The following KANK1 variants were observed in gnomAD, a reference collection of about 807,000 sequenced individuals.
KANK1 encodes the protein KN motif and ankyrin repeat domain-containing protein 1.
KANK1 carries 109 observed loss-of-function variants against 106.2 expected under a neutral mutation model. The observed-to-expected ratio is 1.03, with a 90% CI of 0.88 to 1.20. The LOEUF is 1.20. Among genes scored for constraint, KANK1 ranks in the 50% most tolerant of loss-of-function variants. The pLI is 0.00. For synonymous variants in KANK1, 873 were observed against 652.2 expected (o/e 1.34, Z -5.16); for missense variants, 2,399 against 1,710.7 (o/e 1.40, Z -7.10).
At chr9:654,824 A>T (rs953156565) in intron 1 of KANK1, among the ~76,000 whole-genome samples, 10 of 40,630 alleles carry the variant, frequency 2.5e-4, no homozygotes, top group African/African-American at 4.6e-4. Flanking sequence ...TGAGAGAGAG[A>T]GAGAGAGAGA....
At chr9:613,831 C>G (rs7028546) in intron 1 of KANK1, among the ~76,000 whole-genome samples, 1 of 151,950 alleles carries the variant, frequency 6.6e-6, no homozygotes. Flanking sequence ...GGCAGTGTCA[C>G]CAGCCTTTTG....
chr9:712,695 G>A lies in KANK1; in HGVS notation c.1929G>A (p.Lys643=). The change falls in exon 3 of 12, where the codon AAG becomes AAA. Residue 643 remains lysine, a synonymous_variant. Transcript: ENST00000382297. ...TTGACGTGACCGTCTGCTCTCCAAA[G>A]GAGTGCGCCTCCCGGGGCGTGAACA... The part of the protein sequence containing the change: ...CSVDVTVCSP[K]ECASRGVNTE... The A allele has an allele frequency of 6.2e-7, 1 of 1,614,108 alleles. No homozygotes were observed. Among genetic ancestry groups the A allele is most frequent in the South Asian group, 1.1e-5 (1 of 91,070 alleles).
chr9:497,321 T>C (rs2058471884), intron 3 of KANK1, among the ~76,000 whole-genome samples: 1 of 152,144 alleles, frequency 6.6e-6, no homozygotes. Flanking sequence ...AGGTTGGCGT[T>C]GGAAAGGATC....
chr9:656,453 T>C lies in KANK1; in HGVS notation c.-83-20437T>C, dbSNP rs188754300. Among the ~76,000 whole-genome samples the C allele has an allele frequency of 1.2e-3, 184 of 152,306 alleles. 4 individuals are homozygous for C. The highest frequency in any genetic ancestry group is 4.2e-3 in the African/African-American group (174 of 41,544). ...TGAGCCAGTGGTCTTCCCTTTTGCC[T>C]CTACCTCATGCTGACCAGGGGACAA... On this transcript the variant is annotated intron_variant, in intron 1 of 11. Transcript: ENST00000382297.
chr9:711,499 AG>A lies in KANK1; in HGVS notation c.734del (p.Ser245ThrfsTer8). On this transcript the variant is annotated frameshift_variant, in exon 3 of 12. Transcript: ENST00000382297. LOFTEE classifies it high-confidence loss of function. ...MGSSIRHSPLSSGISTPVTNV... is the reference protein window; with the variant it reads ...MGSSIRHSPLXSGISTPVTNV... ...GAGCTCCATCCGCCACAGCCCCCTG[AG>A]CTCAGGGATCTCCACCCCAGTGACC... 2.5e-6 allele frequency: 4 copies of A among 1,614,064 alleles called. No homozygotes were observed. Among genetic ancestry groups the A allele is most frequent in the Non-Finnish European group, 3.4e-6 (4 of 1,180,012 alleles).
rs192691659 is a variant in KANK1 at position 525,672 on chromosome 9, C to A, written c.-84+20918C>A. Among the ~76,000 whole-genome samples the A allele has an allele frequency of 4.4e-3, 662 of 151,782 alleles. 7 individuals are homozygous for A. The highest frequency in any genetic ancestry group is 5.7e-3 in the Non-Finnish European group (385 of 68,024). Reference sequence around the variant, plus strand: ...AGGCATACAAAAAGCCGTAGAATTTCATATTTTTGAGCTGGCCAGATTTGT... The same window carrying A: ...AGGCATACAAAAAGCCGTAGAATTTAATATTTTTGAGCTGGCCAGATTTGT... On this transcript the variant is annotated intron_variant, in intron 1 of 11. Transcript: ENST00000382297.
chr9:472,799 C>T (rs1213899525), intron 2 of KANK1, among the ~76,000 whole-genome samples: 1 of 152,158 alleles, frequency 6.6e-6, no homozygotes, highest in African/African-American at 2.4e-5. Context: ...GAGGCTTGAT[C>T]CGAGCTGGTG....
intron 8 of KANK1, among the ~76,000 whole-genome samples, chr9:739,791 G>T (rs1474095290): frequency 6.6e-6 from 1 of 151,956 alleles, no homozygotes; most frequent in African/African-American, 2.4e-5. Context: ...CCCCCTTCTA[G>T]GCTGAGATTC....
At chr9:561,073 A>G (rs1489352352) in intron 1 of KANK1, among the ~76,000 whole-genome samples, 3 of 152,154 alleles carry the variant, frequency 2.0e-5, no homozygotes, top group African/African-American at 7.2e-5. Context: ...AACAAGTTCT[A>G]CATTTTAAGA....
chr9:732,357 G>A, intron 5 of KANK1, 21 bp from the exon 6 acceptor site: 1 of 1,600,786 alleles, frequency 6.2e-7, no homozygotes, highest in East Asian at 2.2e-5. Flanking sequence ...TGCATCTCCT[G>A]AAATCCCAAT....
At chr9:713,507 G>A (rs747326116) in intron 3 of KANK1, 43 bp downstream of exon 3, 4 of 1,510,772 alleles carry the variant, frequency 2.6e-6, no homozygotes, top group Non-Finnish European at 3.5e-6. Context: ...AAGGATGGGG[G>A]AAAATGTCTT....
At chr9:516,277 C>A (rs994316582) in intron 1 of KANK1, among the ~76,000 whole-genome samples, 2 of 151,458 alleles carry the variant, frequency 1.3e-5, no homozygotes, top group Non-Finnish European at 2.9e-5. Flanking sequence ...CTTTTAACTC[C>A]TTTTGGAGTT....
intron 2 of KANK1, among the ~76,000 whole-genome samples, chr9:699,337 A>C (rs1822091077): frequency 6.6e-6 from 1 of 152,324 alleles, no homozygotes; most frequent in African/African-American, 2.4e-5. Flanking sequence ...GGCCTATTGC[A>C]GGCACTTAAT....
chr9:682,124 A>G (rs1410302495), intron 2 of KANK1, among the ~76,000 whole-genome samples: 7 of 152,022 alleles, frequency 4.6e-5, no homozygotes, highest in African/African-American at 1.7e-4. Flanking sequence ...TACTAAAAAT[A>G]TAAAAACTAG....
At chr9:625,102 AGCGTCCTGG>A (rs1834039145) in intron 1 of KANK1, among the ~76,000 whole-genome samples, 2 of 152,206 alleles carry the variant, frequency 1.3e-5, no homozygotes, top group Admixed American at 6.5e-5. Flanking sequence ...TAGCACCGTT[AGCGTCCTGG>A]GCAAACCCAC....
chr9:713,497 A>G, intron 3 of KANK1, 33 bp downstream of exon 3: 1 of 1,519,028 alleles, frequency 6.6e-7, no homozygotes, highest in South Asian at 1.3e-5. Flanking sequence ...GGGAATGAGG[A>G]AGGATGGGGG....
chr9:744,435 G>T, intron 10 of KANK1, 56 bp from the exon 11 acceptor site: 2 of 1,569,544 alleles, frequency 1.3e-6, no homozygotes, highest in East Asian at 2.3e-5. Context: ...TTACCTTTCG[G>T]TTGTCTGGAG....
intron 1 of KANK1, among the ~76,000 whole-genome samples, chr9:535,974 C>A (rs1452149637): frequency 1.3e-5 from 2 of 152,144 alleles, no homozygotes; most frequent in Non-Finnish European, 2.9e-5. Context: ...TATAACAGCA[C>A]CCCACTTCCA....
chr9:735,695 C>T (rs535349614), intron 7 of KANK1: 2 of 410,244 alleles, frequency 4.9e-6, no homozygotes, highest in Non-Finnish European at 1.0e-5. Flanking sequence ...ATTTCTATAT[C>T]ATAATACCTA....
Sources: gnomAD v4.1 joint callset for allele counts (sites outside exome capture counted in the v4.1 genomes callset) on GRCh38, gnomAD v4.1.1 for gene constraint, MANE v1.5 for transcripts, NCBI Gene and HGNC (gene_info 2026-07-23, HGNC 2026-07-21) for gene names.